IGFBP2: variants seen among roughly 807,000 people sequenced by gnomAD.
IGFBP2 encodes the protein insulin-like growth factor-binding protein 2.
IGFBP2 carries 12 observed loss-of-function variants against 26.2 expected under a neutral mutation model. That is an observed-to-expected ratio of 0.46 (90% CI 0.29 to 0.74). The LOEUF (loss-of-function observed/expected upper bound fraction) is 0.74. Among genes scored for constraint, IGFBP2 ranks in the 30% least tolerant of loss-of-function variants. The pLI, the probability that IGFBP2 is intolerant of heterozygous loss-of-function variation, is 0.09. For synonymous variants in IGFBP2, 189 were observed against 200.6 expected (o/e 0.94, Z 0.49); for missense variants, 328 against 441.2 (o/e 0.74, Z 2.30).
Position 216,647,736 on chromosome 2 carries a change from G to A in IGFBP2, c.443-12821G>A, listed in dbSNP as rs9341150. 2.0e-3 allele frequency among the ~76,000 whole-genome samples: 304 copies of A among 152,230 alleles called. 1 individual carries two copies. Among genetic ancestry groups the A allele is most frequent in the African/African-American group, 6.9e-3 (288 of 41,546 alleles). On this transcript the variant is annotated intron_variant, in intron 1 of 3. Coordinates refer to ENST00000233809, the MANE Select transcript of IGFBP2 (RefSeq NM_000597.3). ...GGGGTTTCACCATGTTAGCCAGGATGGTCTCGATTTGCTGACCTCGTGATC... is the reference window on the plus strand; with the variant it reads ...GGGGTTTCACCATGTTAGCCAGGATAGTCTCGATTTGCTGACCTCGTGATC...
At chr2:216,643,694 A>G (rs1255113178) in intron 1 of IGFBP2, among the ~76,000 whole-genome samples, 2 of 152,086 alleles carry the variant, frequency 1.3e-5, no homozygotes, top group Non-Finnish European at 2.9e-5. Context: ...AAAAAATCTC[A>G]TAATGTTTTA....
chr2:216,655,551 C>T (rs9341186), intron 1 of IGFBP2, among the ~76,000 whole-genome samples: 4,116 of 152,264 alleles, frequency 0.027, 172 homozygotes, highest in African/African-American at 0.094. Flanking sequence ...TCAATTAAAG[C>T]TCTTTCCTTT....
At chr2:216,649,453 C>A (rs1190266859) in intron 1 of IGFBP2, among the ~76,000 whole-genome samples, 1 of 152,148 alleles carries the variant, frequency 6.6e-6, no homozygotes, top group Non-Finnish European at 1.5e-5. Flanking sequence ...CACATTCTTC[C>A]CATTCCCATA....
chr2:216,661,803 G>A, intron 2 of IGFBP2, 55 bp from the exon 3 acceptor site: 1 of 1,608,956 alleles, frequency 6.2e-7, no homozygotes, highest in African/African-American at 1.3e-5. Flanking sequence ...TCTGGCGCGT[G>A]CTTCGTGGGC....
At chr2:216,640,599 G>T (rs1015752791) in intron 1 of IGFBP2, among the ~76,000 whole-genome samples, 1 of 152,122 alleles carries the variant, frequency 6.6e-6, no homozygotes, top group Non-Finnish European at 1.5e-5. Context: ...GAGGGAGGCC[G>T]TTCTACCTCC....
chr2:216,653,890 G>T (rs1483984540), intron 1 of IGFBP2, among the ~76,000 whole-genome samples: 3 of 152,132 alleles, frequency 2.0e-5, no homozygotes, highest in Non-Finnish European at 2.9e-5. Flanking sequence ...CTAATCTACA[G>T]GGAAAGTCTC....
intron 1 of IGFBP2, among the ~76,000 whole-genome samples, chr2:216,657,322 G>A (rs1447222841): frequency 3.3e-5 from 5 of 152,204 alleles, no homozygotes; most frequent in East Asian, 1.9e-4. Context: ...TGTGTGCTGC[G>A]TTAGAGGTCA....
intron 1 of IGFBP2, among the ~76,000 whole-genome samples, chr2:216,640,519 C>T (rs932248875): frequency 1.3e-5 from 2 of 152,068 alleles, no homozygotes; most frequent in African/African-American, 4.8e-5. Context: ...TGGTGGTGCT[C>T]GCATCTGTCC....
At chr2:216,647,622 C>T (rs1253950535) in intron 1 of IGFBP2, among the ~76,000 whole-genome samples, 1 of 152,152 alleles carries the variant, frequency 6.6e-6, no homozygotes, top group Admixed American at 6.5e-5. Context: ...CGGGTTTGCA[C>T]CATTCTCCTG....
intron 1 of IGFBP2, chr2:216,659,600 G>A (rs9341195): frequency 0.019 from 15,065 of 772,890 alleles, 222 homozygotes; most frequent in Non-Finnish European, 0.026. Flanking sequence ...TTGGCTGGAC[G>A]TGCCTCAGCC....
At chr2:216,657,520 G>A (rs189985478) in intron 1 of IGFBP2, among the ~76,000 whole-genome samples, 276 of 152,310 alleles carry the variant, frequency 1.8e-3, no homozygotes, top group South Asian at 3.7e-3. Flanking sequence ...TCTGCCGCAC[G>A]GTGGGGTGAC....
chr2:216,660,538 T>A lies in IGFBP2; in HGVS notation c.443-19T>A, dbSNP rs761605254. ...GGGAAACTGGACCTGGAGCTTTTCT[T>A]CCCTTCCTCTCTTGGCAGACAATGG... On this transcript the variant is annotated intron_variant, in intron 1 of 3. Transcript: ENST00000233809. 6.4e-7 allele frequency: 1 copy of A among 1,567,628 alleles called. No homozygotes were observed. Among genetic ancestry groups the A allele is most frequent in the Non-Finnish European group, 8.7e-7 (1 of 1,153,822 alleles).
intron 1 of IGFBP2, among the ~76,000 whole-genome samples, chr2:216,641,999 A>ATT (rs759581642): frequency 1.9e-4 from 19 of 99,678 alleles, no homozygotes; most frequent in Non-Finnish European, 2.5e-4. Flanking sequence ...CCAGGCTTAC[A>ATT]TTTTTTTTTT....
chr2:216,661,603 A>AGCC (rs1380647296), intron 2 of IGFBP2: 1 of 564,902 alleles, frequency 1.8e-6, no homozygotes, highest in African/African-American at 1.9e-5. Context: ...GACACATGAA[A>AGCC]GCCACGGTCA....
chr2:216,664,314 CCCG>C lies in IGFBP2; in HGVS notation c.*211_*213del, dbSNP rs1688718626. The stretch of plus-strand genomic sequence containing the variant: ...GCCACACCTGCTCCTTCTTGCTTTC[CCCG>C]GGGGAGGAAGGGGGTTGTGGTCGGG... On this transcript the variant is annotated 3_prime_UTR_variant, in exon 4 of 4. Coordinates refer to ENST00000233809, the MANE Select transcript of IGFBP2 (RefSeq NM_000597.3). This position sits in a 1 kb window ranked among gnomAD's most constrained non-coding sequence, Gnocchi z 4.6. 4 of 421,734 alleles carry C rather than the reference CCCG, an allele frequency of 9.5e-6. No homozygotes were observed. Among genetic ancestry groups the C allele is most frequent in the Non-Finnish European group, 8.4e-6 (2 of 239,518 alleles). The allele number at this position is 421,734 out of a possible 1,614,324, so 26.1% of individuals were successfully genotyped here.
chr2:216,638,694 A>C (rs999562909), intron 1 of IGFBP2, among the ~76,000 whole-genome samples: 2 of 150,240 alleles, frequency 1.3e-5, no homozygotes, highest in Admixed American at 6.7e-5. Flanking sequence ...GGGAGGTACG[A>C]CTGTTCAATT....
chr2:216,653,826 T>C (rs1697870578), intron 1 of IGFBP2, among the ~76,000 whole-genome samples: 1 of 152,158 alleles, frequency 6.6e-6, no homozygotes, highest in Non-Finnish European at 1.5e-5. Flanking sequence ...ATCCCTTGCT[T>C]CTGTGTTGAC....
chr2:216,638,453 C>T (rs375830350), intron 1 of IGFBP2, among the ~76,000 whole-genome samples: 6 of 150,076 alleles, frequency 4.0e-5, no homozygotes, highest in African/African-American at 1.5e-4. Context: ...TGCAGTGAGC[C>T]GAGATGGCGC....
chr2:216,651,971 A>G (rs1381221043), intron 1 of IGFBP2, among the ~76,000 whole-genome samples: 2 of 152,006 alleles, frequency 1.3e-5, no homozygotes, highest in Non-Finnish European at 2.9e-5. Context: ...TATGTTGGCC[A>G]GGCTGGTCTT....
Sources: gnomAD v4.1 joint callset for allele counts (sites outside exome capture counted in the v4.1 genomes callset) on GRCh38, gnomAD v4.1.1 for gene constraint, Gnocchi (gnomAD v3.1) non-coding constraint, MANE v1.5 for transcripts, NCBI Gene and HGNC (gene_info 2026-07-23, HGNC 2026-07-21) for gene names.